XKR6: variants seen among roughly 807,000 people sequenced by gnomAD.
XKR6 encodes the protein XK related 6.
XKR6 carries 22 observed loss-of-function variants against 56.7 expected under a neutral mutation model. The observed-to-expected ratio is 0.39, with a 90% CI of 0.28 to 0.55. The LOEUF (loss-of-function observed/expected upper bound fraction) is 0.55. XKR6 is among the 20% of genes least tolerant of loss of function. XKR6 has a pLI of 0.66. For missense variants in XKR6, 852 were observed against 889.0 expected (o/e 0.96, Z 0.53); for synonymous variants, 524 against 387.8 (o/e 1.35, Z -4.13).
chr8:11,188,766 ATCTAAC>A (rs1817932955), intron 1 of XKR6, among the ~76,000 whole-genome samples: 1 of 152,146 alleles, frequency 6.6e-6, no homozygotes, highest in African/African-American at 2.4e-5. Flanking sequence ...CGAGCAGAGG[ATCTAAC>A]CCTCCCTGCC....
At chr8:11,186,709 C>G (rs770126045) in intron 1 of XKR6, among the ~76,000 whole-genome samples, 2 of 152,170 alleles carry the variant, frequency 1.3e-5, no homozygotes, top group South Asian at 2.1e-4. Context: ...AACAGTTATA[C>G]TTTCTCTATA....
At chr8:10,953,154 G>A (rs1439978552) in intron 1 of XKR6, among the ~76,000 whole-genome samples, 4 of 152,164 alleles carry the variant, frequency 2.6e-5, no homozygotes, top group Non-Finnish European at 4.4e-5. Flanking sequence ...GAAATAAAGT[G>A]TACAATCAAT....
chr8:10,930,730 C>A (rs999908133), intron 1 of XKR6, among the ~76,000 whole-genome samples: 2 of 152,202 alleles, frequency 1.3e-5, no homozygotes, highest in Non-Finnish European at 2.9e-5. Flanking sequence ...CACAATTCAA[C>A]ATCCATTAAT....
At chr8:11,064,131 T>A (rs1799918783) in intron 1 of XKR6, among the ~76,000 whole-genome samples, 1 of 152,210 alleles carries the variant, frequency 6.6e-6, no homozygotes, top group African/African-American at 2.4e-5. Context: ...AGTCTCACTC[T>A]GCTCTGCCCC....
Position 11,133,140 on chromosome 8 carries a change from G to A in XKR6, c.764+67436C>T, listed in dbSNP as rs1181988558. On this transcript the variant is annotated intron_variant, in intron 1 of 2. Transcript: ENST00000416569. Reference sequence around the variant, plus strand: ...CAAGCATACAAGGGAGAGGGTGTGGGTACGAGGAATTGAAACCTAAACGCA... The same window carrying A: ...CAAGCATACAAGGGAGAGGGTGTGGATACGAGGAATTGAAACCTAAACGCA... Among the ~76,000 whole-genome samples the A allele has an allele frequency of 3.3e-5, 5 of 152,222 alleles. No individual in the cohort carries two copies. In the South Asian group the frequency reaches 1.0e-3, roughly 32 times the overall value.
chr8:11,061,382 C>A (rs1799829543), intron 1 of XKR6, among the ~76,000 whole-genome samples: 1 of 152,050 alleles, frequency 6.6e-6, no homozygotes, highest in African/African-American at 2.4e-5. Context: ...GGGAGGATCA[C>A]CTGAACCTGG....
chr8:11,038,829 C>T (rs1469290663), intron 1 of XKR6, among the ~76,000 whole-genome samples: 2 of 152,116 alleles, frequency 1.3e-5, no homozygotes, highest in African/African-American at 4.8e-5. Flanking sequence ...GCATGAGCCA[C>T]CGCGCCTGGC....
chr8:10,909,992 G>A (rs567987708), intron 2 of XKR6, among the ~76,000 whole-genome samples: 4 of 151,308 alleles, frequency 2.6e-5, no homozygotes, highest in East Asian at 3.9e-4. Flanking sequence ...GGGCTGGGGG[G>A]ACCTTTTTCA....
chr8:11,056,971 T>C (rs956782398), intron 1 of XKR6, among the ~76,000 whole-genome samples: 1 of 152,184 alleles, frequency 6.6e-6, no homozygotes. Flanking sequence ...TACCCCCACG[T>C]TGGTGCCCAC....
intron 1 of XKR6, among the ~76,000 whole-genome samples, chr8:11,026,351 G>A (rs890654026): frequency 2.0e-5 from 3 of 150,972 alleles, no homozygotes; most frequent in Non-Finnish European, 2.9e-5. Context: ...AGATAGTGTT[G>A]CCTACTACAC....
At chr8:11,071,497 A>C (rs1800116034) in intron 1 of XKR6, among the ~76,000 whole-genome samples, 1 of 119,268 alleles carries the variant, frequency 8.4e-6, no homozygotes, top group Admixed American at 8.0e-5. Flanking sequence ...CCCCGAGTCC[A>C]TGAGCCCCGA....
chr8:11,135,800 T>A (rs1563164164), intron 1 of XKR6, among the ~76,000 whole-genome samples: 1 of 150,146 alleles, frequency 6.7e-6, no homozygotes, highest in African/African-American at 2.4e-5. Context: ...AAATTCAAGA[T>A]CTAAATAATT....
intron 1 of XKR6, among the ~76,000 whole-genome samples, chr8:11,001,679 G>C (rs1472228268): frequency 6.6e-6 from 1 of 152,192 alleles, no homozygotes; most frequent in Non-Finnish European, 1.5e-5. Context: ...CAAAAGCTCA[G>C]GCAGAGTTAG....
intron 1 of XKR6, chr8:11,194,639 A>G (rs1181193590): frequency 6.5e-6 from 1 of 152,754 alleles, no homozygotes; most frequent in Non-Finnish European, 1.5e-5. Flanking sequence ...GCAACATCAG[A>G]GACACAGTTT....
chr8:11,201,785 C>G lies in XKR6; in HGVS notation c.-446G>C, dbSNP rs1194076520. 6.6e-6 allele frequency among the ~76,000 whole-genome samples: 1 copy of G among 152,174 alleles called. No homozygotes were observed. Among genetic ancestry groups the G allele is most frequent in the Non-Finnish European group, 1.5e-5 (1 of 68,030 alleles). On this transcript the variant is annotated 5_prime_UTR_variant, in exon 1 of 3. Coordinates refer to ENST00000416569, the MANE Select transcript of XKR6 (RefSeq NM_173683.4). Reference sequence around the variant, plus strand: ...GTGCCAGACGTTTTGGGGTCCCCTTCCTCAGCGTCGCAGCTCACAGCTTTC... The same window carrying G: ...GTGCCAGACGTTTTGGGGTCCCCTTGCTCAGCGTCGCAGCTCACAGCTTTC...
At position 11,151,274 on chromosome 8, in the gene XKR6, C is replaced by T. The variant is rs867330678; in HGVS notation, c.764+49302G>A. Among the ~76,000 whole-genome samples the T allele has an allele frequency of 8.5e-5, 13 of 152,130 alleles. No homozygotes were observed. The Middle Eastern group carries it at 0.01, about 119-fold the overall frequency. ...TAATTTTTCCTTCCCAATTTTAAACCGTATTTATTGAACTTTAACCCAAGT... is the reference window on the plus strand; with the variant it reads ...TAATTTTTCCTTCCCAATTTTAAACTGTATTTATTGAACTTTAACCCAAGT... On this transcript the variant is annotated intron_variant, in intron 1 of 2. Transcript: ENST00000416569.
intron 1 of XKR6, among the ~76,000 whole-genome samples, chr8:11,140,189 AAAG>A (rs1800619290): frequency 6.6e-6 from 1 of 152,200 alleles, no homozygotes; most frequent in Admixed American, 6.5e-5. Flanking sequence ...AAAGACAGGC[AAAG>A]AATACCTGAA....
intron 1 of XKR6, among the ~76,000 whole-genome samples, chr8:11,116,975 A>C (rs572500963): frequency 1.8e-4 from 27 of 152,186 alleles, no homozygotes; most frequent in Non-Finnish European, 4.4e-5. Flanking sequence ...CTTAACTTTT[A>C]CTACTCATAA....
rs190183897 is a variant in XKR6 at position 11,134,697 on chromosome 8, C to A, written c.764+65879G>T. ...TATGAAGGCTATCTGAATACACACA[C>A]GCACACACACACACACACAGCCCCA... On this transcript the variant is annotated intron_variant, in intron 1 of 2. Transcript: ENST00000416569. 1.2e-4 allele frequency among the ~76,000 whole-genome samples: 18 copies of A among 152,060 alleles called. No homozygotes were observed. In the East Asian group the frequency reaches 3.3e-3, roughly 28 times the overall value.
Sources: gnomAD v4.1 joint callset for allele counts (sites outside exome capture counted in the v4.1 genomes callset) on GRCh38, gnomAD v4.1.1 for gene constraint, MANE v1.5 for transcripts, NCBI Gene and HGNC (gene_info 2026-07-23, HGNC 2026-07-21) for gene names.